PROX2: variants seen among roughly 807,000 people sequenced by gnomAD.
PROX2 encodes the protein prospero homeobox protein 2.
PROX2 carries 46 observed loss-of-function variants against 48.9 expected under a neutral mutation model. The observed-to-expected ratio is 0.94, with a 90% confidence interval of 0.74 to 1.20. PROX2 has a LOEUF of 1.20. PROX2 is among the 50% of genes most tolerant of loss of function. PROX2 has a pLI of 0.00. For missense variants in PROX2, 663 were observed against 719.4 expected, an observed-to-expected ratio of 0.92 and a Z score of 0.90; for synonymous variants, 260 against 276.6, an observed-to-expected ratio of 0.94 and a Z score of 0.60.
At chr14:74,868,156 T>C (rs1883111841) in intron 2 of PROX2, among the ~76,000 whole-genome samples, 1 of 151,696 alleles carries the variant, frequency 6.6e-6, no homozygotes. Context: ...ATGAAAGTAA[T>C]GTAGGATCAT....
intron 2 of PROX2, among the ~76,000 whole-genome samples, chr14:74,870,712 T>C (rs1433771890): frequency 6.6e-6 from 1 of 152,126 alleles, no homozygotes; most frequent in Non-Finnish European, 1.5e-5. Flanking sequence ...GTACTTTCCA[T>C]TCAATTTTGC....
intron 3 of PROX2, among the ~76,000 whole-genome samples, chr14:74,861,631 C>T (rs1396556302): frequency 6.6e-6 from 1 of 152,214 alleles, no homozygotes; most frequent in Non-Finnish European, 1.5e-5. Flanking sequence ...CATGGGGAGC[C>T]TCCTCTCCCT....
chr14:74,865,732 G>A (rs1485544915), intron 2 of PROX2, among the ~76,000 whole-genome samples: 1 of 152,074 alleles, frequency 6.6e-6, no homozygotes, highest in Non-Finnish European at 1.5e-5. Context: ...TCGGGAGGCT[G>A]AGGCAGGAGA....
intron 2 of PROX2, among the ~76,000 whole-genome samples, chr14:74,866,028 G>A (rs1469574197): frequency 1.3e-5 from 2 of 152,106 alleles, no homozygotes; most frequent in African/African-American, 4.8e-5. Context: ...AGGCAGAGGC[G>A]GGTGGATCAC....
chr14:74,858,778 T>TGTGTG (rs147024588), intron 3 of PROX2: 5 of 214,442 alleles, frequency 2.3e-5, no homozygotes, highest in South Asian at 6.7e-5. Flanking sequence ...TTGGTGTATT[T>TGTGTG]TGTGTGTGTG....
chr14:74,874,017 T>C, intron 1 of PROX2: 2 of 518,636 alleles, frequency 3.9e-6, no homozygotes, highest in Non-Finnish European at 7.9e-6. Context: ...TGTGTGCCTG[T>C]TATCTAACAG....
At chr14:74,875,029 C>T (rs1029921619) in intron 1 of PROX2, among the ~76,000 whole-genome samples, 1 of 152,064 alleles carries the variant, frequency 6.6e-6, no homozygotes, top group African/African-American at 2.4e-5. Context: ...CCTGTAATCC[C>T]AGCTACTCAG....
chr14:74,855,395 TG>T, intron 5 of PROX2, 93 bp from the exon 6 acceptor site: 2 of 1,044,056 alleles, frequency 1.9e-6, no homozygotes, highest in Non-Finnish European at 1.3e-6. Flanking sequence ...GCCTGTTTCT[TG>T]GGTAGTGGGC....
chr14:74,870,690 T>C (rs947721651), intron 2 of PROX2, among the ~76,000 whole-genome samples: 14 of 152,166 alleles, frequency 9.2e-5, no homozygotes, highest in South Asian at 2.1e-4. Flanking sequence ...AGGGGATATA[T>C]GCGAAATCTC....
At chr14:74,864,872 G>T (rs1232785985) in intron 2 of PROX2, among the ~76,000 whole-genome samples, 2 of 150,082 alleles carry the variant, frequency 1.3e-5, no homozygotes, top group African/African-American at 4.9e-5. Context: ...GGCCGGGCAA[G>T]GTAGCTCACA....
At position 74,863,555 on chromosome 14, in the gene PROX2, G is replaced by A. The variant is rs570245599; in HGVS notation, c.280C>T (p.Arg94Cys). ...CTCTCTCGGGCCTTCTTTGGGCAGC[G>A]TGGGCTGACCCCAGCTTGCGCATTG... is the stretch of plus-strand genomic sequence containing the variant. ...PGNAQAGVSPRCPKKARERKR... is the reference protein window; with the variant it reads ...PGNAQAGVSPCCPKKARERKR... The change falls in exon 3 of 6, where the codon CGC becomes TGC. Residue 94 changes from arginine (R) to cysteine (C), a missense_variant. Physicochemically the swap from Arg to Cys is radical, Grantham distance 180 (BLOSUM62 -3). Coordinates refer to ENST00000556489, the MANE Select transcript of PROX2 (RefSeq NM_001243007.2). 969 of 1,613,388 alleles carry A rather than the reference G, an allele frequency of 6.0e-4. 20 individuals are homozygous for A. In the South Asian group the frequency reaches 9.2e-3, roughly 15 times the overall value.
chr14:74,860,068 C>T (rs2359239), intron 3 of PROX2, among the ~76,000 whole-genome samples: 68,457 of 152,118 alleles, frequency 0.45, 16,346 homozygotes, highest in African/African-American at 0.62. Flanking sequence ...GGACTTTGGA[C>T]GAGTTAGCTC....
intron 1 of PROX2, among the ~76,000 whole-genome samples, chr14:74,875,240 T>C (rs1053417982): frequency 1.3e-5 from 2 of 152,226 alleles, no homozygotes; most frequent in African/African-American, 4.8e-5. Flanking sequence ...AAGTTTAGCT[T>C]TGCGAAAAAC....
At chr14:74,859,324 CTCG>C (rs1228658137) in intron 3 of PROX2, 2 of 152,228 alleles carry the variant, frequency 1.3e-5, no homozygotes, top group African/African-American at 4.8e-5. Flanking sequence ...GTATGTTTGT[CTCG>C]TCTAGACTGT....
At chr14:74,867,155 A>T (rs1450653883) in intron 2 of PROX2, among the ~76,000 whole-genome samples, 2 of 152,192 alleles carry the variant, frequency 1.3e-5, no homozygotes, top group African/African-American at 2.4e-5. Context: ...AGCTCTGCTT[A>T]TGCCCCTCTA....
chr14:74,861,313 C>T, intron 3 of PROX2: 1 of 942,224 alleles, frequency 1.1e-6, no homozygotes, highest in Admixed American at 1.9e-5. Flanking sequence ...AAGCAACATC[C>T]AAAATATATT....
At position 74,862,808 on chromosome 14, in the gene PROX2, T is replaced by G; in HGVS notation, c.1027A>C (p.Asn343His). Residue 343 changes from asparagine (N) to histidine (H), a missense_variant, in exon 3 of 6, where the codon AAT (asparagine) becomes CAT (histidine). Asn to His is a moderately conservative substitution (Grantham distance 68, BLOSUM62 1). Coordinates refer to ENST00000556489, the MANE Select transcript of PROX2 (RefSeq NM_001243007.2). The part of the protein sequence containing the change: ...PLTAPSHIQE[N>H]QILSQLLGHR... ...CCCAGTAGCTGGCTAAGAATCTGATTTTCCTGGATGTGGGAAGGTGCAGTC... is the reference window on the plus strand; with the variant it reads ...CCCAGTAGCTGGCTAAGAATCTGATGTTCCTGGATGTGGGAAGGTGCAGTC... 6.2e-7 allele frequency: 1 copy of G among 1,614,016 alleles called. No individual in the cohort carries two copies. The highest frequency in any genetic ancestry group is 8.5e-7 in the Non-Finnish European group (1 of 1,179,886).
chr14:74,865,271 CCTT>C (rs1883025146), intron 2 of PROX2: 1 of 152,128 alleles, frequency 6.6e-6, no homozygotes, highest in African/African-American at 2.4e-5. Context: ...GTGTGTCGGG[CCTT>C]CTTCTGGGCT....
In PROX2 at chr14:74,855,099, T is replaced by A. The variant is rs141359648; in HGVS notation, c.*33A>T. On this transcript the variant is annotated 3_prime_UTR_variant, in exon 6 of 6. Coordinates refer to ENST00000556489, the MANE Select transcript of PROX2 (RefSeq NM_001243007.2). The stretch of plus-strand genomic sequence containing the variant: ...AACCCAGGAAACCCTAGCCAGTCAC[T>A]CCTCACGTTGTGGGATCTTAACCCC... 1.4e-6 allele frequency: 2 copies of A among 1,445,688 alleles called. No individual in the cohort carries two copies. Among genetic ancestry groups the A allele is most frequent in the African/African-American group, 1.4e-5 (1 of 71,738 alleles). The allele number at this position is 1,445,688 out of a possible 1,614,324, so 89.6% of individuals were successfully genotyped here. A position where few individuals can be genotyped will look rare whatever the true frequency, so the allele number is the denominator to read the frequency against.
Sources: allele counts gnomAD v4.1 joint callset (sites outside exome capture counted in the v4.1 genomes callset), GRCh38; gene constraint gnomAD v4.1.1; transcripts MANE v1.5; gene names NCBI Gene and HGNC (gene_info 2026-07-23, HGNC 2026-07-21).